DPP10: variants seen among roughly 807,000 people sequenced by gnomAD.
DPP10 encodes inactive dipeptidyl peptidase 10.
A neutral mutation model predicts 120.9 loss-of-function variants in DPP10; 33 were observed. The ratio of observed to expected loss-of-function variants is 0.27; its 90% CI spans 0.21 to 0.37. The LOEUF (loss-of-function observed/expected upper bound fraction) is 0.37, where lower values mean the gene tolerates loss of function less well. Among genes scored for constraint, DPP10 ranks in the 10% least tolerant of loss-of-function variants. The pLI is 1.00. For missense variants in DPP10, 816 were observed against 942.8 expected (o/e 0.87, Z 1.76); for synonymous variants, 337 against 326.1 (o/e 1.03, Z -0.36).
intron 1 of DPP10, among the ~76,000 whole-genome samples, chr2:114,939,067 G>C (rs1328017082): frequency 1.3e-5 from 2 of 151,792 alleles, no homozygotes; most frequent in Non-Finnish European, 2.9e-5. Flanking sequence ...AATTATTCTA[G>C]AATGTATTGC....
rs183714966 is a variant in DPP10 at position 115,362,847 on chromosome 2, A to T, written c.271+18935A>T. Among the ~76,000 whole-genome samples, 576 of 152,100 alleles carry T rather than the reference A, an allele frequency of 3.8e-3. 5 individuals carry two copies. The highest frequency in any genetic ancestry group is 5.9e-3 in the Non-Finnish European group (402 of 68,010). ...CTGCTTTTCATTTCCAGTCAAGAAA[A>T]CTCTAGTGTTTGACACATAGCTCTT... On this transcript the variant is annotated intron_variant, in intron 3 of 25. Coordinates refer to ENST00000410059, the MANE Select transcript of DPP10 (RefSeq NM_020868.6).
chr2:115,596,405 T>C (rs1024669175), intron 5 of DPP10, among the ~76,000 whole-genome samples: 2 of 152,192 alleles, frequency 1.3e-5, no homozygotes, highest in African/African-American at 2.4e-5. Flanking sequence ...GTATTTTTTT[T>C]CCTTAAGACA....
chr2:114,730,343 C>T (rs1676771013), intron 1 of DPP10, among the ~76,000 whole-genome samples: 1 of 152,196 alleles, frequency 6.6e-6, no homozygotes, highest in Non-Finnish European at 1.5e-5. Flanking sequence ...CCACAGAGGG[C>T]AAGACCACAG....
At chr2:115,123,237 G>A (rs538359613) in intron 1 of DPP10, among the ~76,000 whole-genome samples, 1 of 152,198 alleles carries the variant, frequency 6.6e-6, no homozygotes, top group Non-Finnish European at 1.5e-5. Context: ...TTTATAGCAG[G>A]AATGAAAGGA....
At chr2:115,425,011 G>A (rs370446418) in intron 3 of DPP10, among the ~76,000 whole-genome samples, 4 of 152,300 alleles carry the variant, frequency 2.6e-5, no homozygotes, top group East Asian at 3.9e-4. Context: ...GTTGGGGAAT[G>A]AGTGGAGAAT....
chr2:115,131,252 T>C (rs1329205510), intron 1 of DPP10, among the ~76,000 whole-genome samples: 2 of 152,228 alleles, frequency 1.3e-5, no homozygotes, highest in Admixed American at 6.5e-5. Context: ...CAATGGCTCA[T>C]GCCTGTAATC....
chr2:115,807,136 C>A (rs1343055515), intron 19 of DPP10, among the ~76,000 whole-genome samples: 1 of 152,208 alleles, frequency 6.6e-6, no homozygotes, highest in African/African-American at 2.4e-5. Context: ...TACCTTTCTA[C>A]TTACTCACTC....
chr2:115,724,814 T>C (rs1304453735), intron 7 of DPP10, among the ~76,000 whole-genome samples: 1 of 152,190 alleles, frequency 6.6e-6, no homozygotes, highest in Non-Finnish European at 1.5e-5. Flanking sequence ...TGGGAAGGCC[T>C]CACTGGTGTT....
intron 1 of DPP10, among the ~76,000 whole-genome samples, chr2:115,199,583 T>C (rs72955539): frequency 0.016 from 2,453 of 152,240 alleles, 59 homozygotes; most frequent in African/African-American, 0.056. Flanking sequence ...TGTAGCACTA[T>C]CTTTTTTAAA....
chr2:115,580,959 G>A (rs532869858), intron 5 of DPP10, among the ~76,000 whole-genome samples: 1 of 152,108 alleles, frequency 6.6e-6, no homozygotes, highest in Non-Finnish European at 1.5e-5. Context: ...CATTGTTAAG[G>A]TACGGAAAAT....
At chr2:115,022,392 A>G (rs572364017) in intron 1 of DPP10, among the ~76,000 whole-genome samples, 20 of 152,270 alleles carry the variant, frequency 1.3e-4, no homozygotes, top group African/African-American at 4.6e-4. Flanking sequence ...AATCAAATCA[A>G]GAACTCAACC....
intron 17 of DPP10, among the ~76,000 whole-genome samples, chr2:115,786,717 T>C (rs1683387036): frequency 6.6e-6 from 1 of 152,140 alleles, no homozygotes; most frequent in Non-Finnish European, 1.5e-5. Flanking sequence ...ATGATATCTC[T>C]GAGTTGAGGA....
chr2:115,712,124 C>T (rs4343473), intron 7 of DPP10, among the ~76,000 whole-genome samples: 145,724 of 151,266 alleles, frequency 0.96, 70,452 homozygotes, highest in Middle Eastern at 1. Context: ...TGTAATGAAA[C>T]AATTATACAA....
intron 1 of DPP10, among the ~76,000 whole-genome samples, chr2:115,070,881 T>C (rs1025664144): frequency 6.6e-6 from 1 of 152,198 alleles, no homozygotes; most frequent in Non-Finnish European, 1.5e-5. Flanking sequence ...ATCATTGCAC[T>C]TAGCCTTCAC....
intron 1 of DPP10, among the ~76,000 whole-genome samples, chr2:114,954,080 C>T (rs1396197890): frequency 2.5e-5 from 3 of 122,078 alleles, no homozygotes. Context: ...TTAAGAAGTC[C>T]TTTTTTTTTT....
At chr2:115,554,109 T>G (rs2080059909) in intron 5 of DPP10, among the ~76,000 whole-genome samples, 1 of 151,598 alleles carries the variant, frequency 6.6e-6, no homozygotes, top group Admixed American at 6.6e-5. Flanking sequence ...TACCAGTGAT[T>G]ACTAAAGTGT....
chr2:114,735,044 G>A lies in DPP10; in HGVS notation c.60+292206G>A, dbSNP rs183647449. 1.3e-4 allele frequency among the ~76,000 whole-genome samples: 19 copies of A among 151,968 alleles called. No homozygotes were observed. In the East Asian group the frequency reaches 3.3e-3, roughly 26 times the overall value. On this transcript the variant is annotated intron_variant, in intron 1 of 25. Coordinates refer to ENST00000410059, the MANE Select transcript of DPP10 (RefSeq NM_020868.6). ...TCTCTTCCTTTCTTATATGGGTACC[G>A]ATCAGATTGCATTAGGGCCCACCTT...
chr2:115,495,061 G>A (rs1428201968), intron 3 of DPP10, among the ~76,000 whole-genome samples: 1 of 152,026 alleles, frequency 6.6e-6, no homozygotes, highest in Non-Finnish European at 1.5e-5. Context: ...AGCATAACCC[G>A]TTAAGCAAAG....
intron 1 of DPP10, among the ~76,000 whole-genome samples, chr2:114,450,506 TAAAAGAACA>T (rs1225994787): frequency 7.2e-5 from 11 of 152,046 alleles, no homozygotes; most frequent in Admixed American, 2.6e-4. Context: ...ATTGTTTAAA[TAAAAGAACA>T]AAAAGAACAA....
Sources: allele counts gnomAD v4.1 joint callset (sites outside exome capture counted in the v4.1 genomes callset), GRCh38; gene constraint gnomAD v4.1.1; transcripts MANE v1.5; gene names NCBI Gene and HGNC (gene_info 2026-07-23, HGNC 2026-07-21).